CADM2: variants seen among roughly 807,000 people sequenced by gnomAD.
CADM2 encodes the protein cell adhesion molecule 2, also known as immunoglobulin superfamily member 4D.
In CADM2, 12 loss-of-function variants were observed where a neutral mutation model predicts 49.8. The observed-to-expected ratio is 0.24, with a 90% CI of 0.15 to 0.39. The LOEUF is 0.39. CADM2 is among the 10% of genes least tolerant of loss of function. The pLI is 1.00. For synonymous variants in CADM2, 214 were observed against 175.4 expected (o/e 1.22, Z -1.74); for missense variants, 378 against 492.3 (o/e 0.77, Z 2.20).
At chr3:85,855,233 T>C (rs935585612) in intron 3 of CADM2, among the ~76,000 whole-genome samples, 1 of 152,078 alleles carries the variant, frequency 6.6e-6, no homozygotes, top group African/African-American at 2.4e-5. Flanking sequence ...TAGAACACAG[T>C]AAAATCAGCA....
chr3:85,777,239 T>A (rs1452734111), intron 2 of CADM2, among the ~76,000 whole-genome samples: 2 of 127,696 alleles, frequency 1.6e-5, no homozygotes, highest in Non-Finnish European at 3.7e-5. Context: ...CTATGGTTTT[T>A]AAAAAATTAT....
Position 85,442,145 on chromosome 3 carries a change from G to A in CADM2, c.62-284377G>A, listed in dbSNP as rs570779618. On this transcript the variant is annotated intron_variant, in intron 1 of 9. Transcript: ENST00000383699. ...ATACTGCAAAGAAGTTTTTATGCGCGTCATAAAAGAAACCATGTTAGTCAT... is the reference window on the plus strand; with the variant it reads ...ATACTGCAAAGAAGTTTTTATGCGCATCATAAAAGAAACCATGTTAGTCAT... Among the ~76,000 whole-genome samples, 20 of 152,010 alleles carry A rather than the reference G, an allele frequency of 1.3e-4. 1 individual carries two copies. Among genetic ancestry groups the A allele is most frequent in the African/African-American group, 4.3e-4 (18 of 41,508 alleles).
intron 1 of CADM2, among the ~76,000 whole-genome samples, chr3:85,345,484 G>A (rs1024951840): frequency 2.6e-5 from 4 of 152,082 alleles, no homozygotes; most frequent in African/African-American, 9.7e-5. Context: ...AAGATGCAAT[G>A]AGAATATAAA....
chr3:85,843,674 AC>A (rs2074742272), intron 3 of CADM2, among the ~76,000 whole-genome samples: 1 of 152,124 alleles, frequency 6.6e-6, no homozygotes, highest in African/African-American at 2.4e-5. Context: ...ATGTTAATTA[AC>A]TATATGTAAG....
At chr3:85,927,360 G>T (rs1406649599) in intron 6 of CADM2, among the ~76,000 whole-genome samples, 1 of 152,134 alleles carries the variant, frequency 6.6e-6, no homozygotes, top group Non-Finnish European at 1.5e-5. Context: ...CTAGGAATAT[G>T]CCAAACACTG....
Position 85,660,888 on chromosome 3 carries a change from GATT to G in CADM2, c.62-65628_62-65626del, listed in dbSNP as rs541295101. On this transcript the variant is annotated intron_variant, in intron 1 of 9. Coordinates refer to ENST00000383699, the MANE Select transcript of CADM2 (RefSeq NM_001167675.2). ...TTAAAATCGTGACTTCTAGTCCTTC[GATT>G]ATTATAAACTATAATCAAACTAAAA... Among the ~76,000 whole-genome samples, 1,130 of 148,372 alleles carry G rather than the reference GATT, an allele frequency of 7.6e-3. 7 individuals carry two copies. Among genetic ancestry groups the G allele is most frequent in the Non-Finnish European group, 0.012 (796 of 67,186 alleles).
chr3:85,083,858 A>G (rs1057444288), intron 1 of CADM2, among the ~76,000 whole-genome samples: 1 of 152,188 alleles, frequency 6.6e-6, no homozygotes, highest in Non-Finnish European at 1.5e-5. Flanking sequence ...TGTATTCTAC[A>G]GAAACAGAAA....
chr3:85,187,653 T>C (rs1206136088), intron 1 of CADM2, among the ~76,000 whole-genome samples: 1 of 152,074 alleles, frequency 6.6e-6, no homozygotes, highest in Non-Finnish European at 1.5e-5. Flanking sequence ...CTTGCATGAG[T>C]AATATCAAAA....
At chr3:85,848,810 C>T (rs1355069754) in intron 3 of CADM2, among the ~76,000 whole-genome samples, 4 of 152,118 alleles carry the variant, frequency 2.6e-5, no homozygotes, top group African/African-American at 9.7e-5. Flanking sequence ...TGAACAACTT[C>T]ATGTTACTGA....
intron 1 of CADM2, among the ~76,000 whole-genome samples, chr3:85,316,141 T>A (rs2044459388): frequency 6.6e-6 from 1 of 152,196 alleles, no homozygotes; most frequent in Admixed American, 6.6e-5. Flanking sequence ...TGTATCTCTC[T>A]GTCTTTTATT....
intron 1 of CADM2, among the ~76,000 whole-genome samples, chr3:85,396,730 G>A (rs2107420028): frequency 6.6e-6 from 1 of 152,096 alleles, no homozygotes; most frequent in South Asian, 2.1e-4. Context: ...AAAAAATATA[G>A]TAGGGCTCAT....
rs1214573494 is a variant in CADM2, at chr3:86,068,133, CATTTTGTG to C, written c.*1352_*1359del. 1 of 152,332 alleles carries C rather than the reference CATTTTGTG, an allele frequency of 6.6e-6. No individual in the cohort carries two copies. Among genetic ancestry groups the C allele is most frequent in the Non-Finnish European group, 1.5e-5 (1 of 67,844 alleles). The allele number at this position is 152,332 out of a possible 1,614,324, so 9.4% of individuals were successfully genotyped here. A position where few individuals can be genotyped will look rare whatever the true frequency, so the allele number is the denominator to read the frequency against. On this transcript the variant is annotated 3_prime_UTR_variant, in exon 10 of 10. Coordinates refer to ENST00000383699, the MANE Select transcript of CADM2 (RefSeq NM_001167675.2). ...TCTTTATATTAAATTCCTGTCTATG[CATTTTGTG>C]AGGTACAAACTGATGAAACAGTGAG... is the stretch of plus-strand genomic sequence containing the variant.
At chr3:85,480,153 T>C (rs971747755) in intron 1 of CADM2, among the ~76,000 whole-genome samples, 4 of 151,838 alleles carry the variant, frequency 2.6e-5, no homozygotes, top group Non-Finnish European at 4.4e-5. Flanking sequence ...GATATATTAT[T>C]TGAATCATTG....
At chr3:85,038,369 A>G (rs1049127613) in intron 1 of CADM2, among the ~76,000 whole-genome samples, 6 of 152,246 alleles carry the variant, frequency 3.9e-5, no homozygotes, top group African/African-American at 1.4e-4. Context: ...ATCCCAGAAT[A>G]TAACAAGCAC....
intron 5 of CADM2, among the ~76,000 whole-genome samples, chr3:85,902,655 T>C (rs956071748): frequency 3.3e-5 from 5 of 151,504 alleles, no homozygotes; most frequent in African/African-American, 1.2e-4. Flanking sequence ...CTTTATGCTA[T>C]ATGAAGTAAA....
intron 1 of CADM2, among the ~76,000 whole-genome samples, chr3:85,467,311 ACTT>A (rs1270832135): frequency 1.3e-5 from 2 of 152,132 alleles, no homozygotes; most frequent in East Asian, 3.8e-4. Flanking sequence ...TATTTATTAA[ACTT>A]CTTTTTGTAT....
intron 8 of CADM2, among the ~76,000 whole-genome samples, chr3:86,061,561 A>G (rs1235833989): frequency 1.3e-5 from 2 of 152,176 alleles, no homozygotes; most frequent in African/African-American, 4.8e-5. Flanking sequence ...GTTAGATGAC[A>G]ATAAAGATTT....
intron 1 of CADM2, among the ~76,000 whole-genome samples, chr3:85,340,862 T>A (rs2107191887): frequency 6.6e-6 from 1 of 151,806 alleles, no homozygotes; most frequent in East Asian, 1.9e-4. Flanking sequence ...TTGGAGATTA[T>A]TGTTTTATTT....
At chr3:85,223,367 A>T (rs1205270553) in intron 1 of CADM2, among the ~76,000 whole-genome samples, 2 of 152,138 alleles carry the variant, frequency 1.3e-5, no homozygotes, top group Non-Finnish European at 2.9e-5. Flanking sequence ...TACAGTTGTC[A>T]TATATCTATT....
Sources: allele counts gnomAD v4.1 joint callset (sites outside exome capture counted in the v4.1 genomes callset), GRCh38; gene constraint gnomAD v4.1.1; transcripts MANE v1.5; gene names NCBI Gene and HGNC (gene_info 2026-07-23, HGNC 2026-07-21).